COL25A1: variants seen among roughly 807,000 people sequenced by gnomAD.
COL25A1 encodes collagen alpha-1(XXV) chain.
COL25A1 carries 103 observed loss-of-function variants against 128.4 expected under a neutral mutation model. The ratio of observed to expected loss-of-function variants is 0.80; its 90% CI spans 0.68 to 0.94. The LOEUF (loss-of-function observed/expected upper bound fraction) is 0.94. Among genes scored for constraint, COL25A1 ranks in the 40% least tolerant of loss-of-function variants. COL25A1 has a pLI of 0.00. For synonymous variants in COL25A1, 279 were observed against 277.2 expected, an observed-to-expected ratio of 1.01 and a Z score of -0.06; for missense variants, 745 against 840.0, an observed-to-expected ratio of 0.89 and a Z score of 1.40.
chr4:109,295,879 G>C (rs1386455187), intron 3 of COL25A1, among the ~76,000 whole-genome samples: 1 of 152,018 alleles, frequency 6.6e-6, no homozygotes, highest in African/African-American at 2.4e-5. Flanking sequence ...GGAATGTATA[G>C]AGAGACCTCA....
At chr4:109,160,600 C>T (rs1772472447) in intron 3 of COL25A1, among the ~76,000 whole-genome samples, 1 of 152,140 alleles carries the variant, frequency 6.6e-6, no homozygotes, top group East Asian at 1.9e-4. Flanking sequence ...TGGGAACGGG[C>T]TCTGTCCATC....
rs56718544 is a variant in COL25A1, at chr4:109,026,100, G to GCACACACACACACA, written c.421-15739_421-15726dup. ...GAAATATCCACATATAAAACACTTT[G>GCACACACACACACA]CACACACACACACACACACACACAC... On this transcript the variant is annotated intron_variant, in intron 5 of 37. Coordinates refer to ENST00000399132, the MANE Select transcript of COL25A1 (RefSeq NM_198721.4). Among the ~76,000 whole-genome samples, 263 of 137,150 alleles carry GCACACACACACACA rather than the reference G, an allele frequency of 1.9e-3. 1 individual carries two copies. The highest frequency in any genetic ancestry group is 5.3e-3 in the African/African-American group (196 of 37,096). 90.0% of individuals were successfully genotyped at this position (137,150 alleles called of 152,430 possible).
intron 8 of COL25A1, among the ~76,000 whole-genome samples, chr4:108,962,277 TCCC>T (rs931627953): frequency 1.3e-5 from 2 of 149,000 alleles, no homozygotes; most frequent in African/African-American, 4.9e-5. Context: ...AACCTCCACC[TCCC>T]GGGTTCAAGC....
intron 18 of COL25A1, among the ~76,000 whole-genome samples, chr4:108,886,492 G>GTGTGCTTTTT (rs58157157): frequency 9.2e-6 from 1 of 109,248 alleles, no homozygotes; most frequent in East Asian, 2.5e-4. Context: ...GTGTGTGTGT[G>GTGTGCTTTTT]TTTAGCTCAT....
At chr4:108,951,040 G>A (rs1749362535) in intron 8 of COL25A1, among the ~76,000 whole-genome samples, 1 of 152,190 alleles carries the variant, frequency 6.6e-6, no homozygotes, top group Non-Finnish European at 1.5e-5. Context: ...TCTGAAAGAA[G>A]GTATTCCAGT....
At chr4:109,024,565 G>T (rs766760852) in intron 5 of COL25A1, among the ~76,000 whole-genome samples, 1 of 151,860 alleles carries the variant, frequency 6.6e-6, no homozygotes, top group Non-Finnish European at 1.5e-5. Context: ...GGTTCCCTAC[G>T]GATGATAGGA....
intron 6 of COL25A1, among the ~76,000 whole-genome samples, chr4:108,984,582 C>G (rs1753445239): frequency 6.6e-6 from 1 of 152,226 alleles, no homozygotes. Context: ...AGCACAGCAG[C>G]TGCTGGCCCA....
At chr4:109,265,518 CGTGTGTGTGT>C (rs57643656) in intron 3 of COL25A1, among the ~76,000 whole-genome samples, 2,913 of 129,686 alleles carry the variant, frequency 0.022, 78 homozygotes, top group South Asian at 0.1. Context: ...AATAACAGTA[CGTGTGTGTGT>C]GTGTGTGTGT....
intron 33 of COL25A1, among the ~76,000 whole-genome samples, chr4:108,825,732 C>T (rs1732296642): frequency 6.6e-6 from 1 of 152,172 alleles, no homozygotes; most frequent in African/African-American, 2.4e-5. Flanking sequence ...TAGTAGTTAG[C>T]TCACAAATGA....
intron 8 of COL25A1, among the ~76,000 whole-genome samples, chr4:108,967,094 T>C (rs1380721921): frequency 6.6e-6 from 1 of 152,188 alleles, no homozygotes; most frequent in Non-Finnish European, 1.5e-5. Context: ...GTTCTGCCAG[T>C]GAGTGATTAT....
chr4:109,041,120 G>A (rs1374489367), intron 5 of COL25A1, among the ~76,000 whole-genome samples: 1 of 152,044 alleles, frequency 6.6e-6, no homozygotes, highest in Non-Finnish European at 1.5e-5. Context: ...ATTGTGCCTA[G>A]TTGAGGAGGT....
chr4:109,121,428 A>G (rs527915184), intron 3 of COL25A1, among the ~76,000 whole-genome samples: 1 of 152,240 alleles, frequency 6.6e-6, no homozygotes, highest in East Asian at 1.9e-4. Flanking sequence ...AAACTCAACT[A>G]TAAGAAAACT....
intron 3 of COL25A1, among the ~76,000 whole-genome samples, chr4:109,061,619 T>A (rs139907466): frequency 1.4e-3 from 211 of 152,290 alleles, no homozygotes; most frequent in African/African-American, 4.7e-3. Context: ...ACAGTTGGCC[T>A]CCCATAGAAA....
At chr4:109,042,122 C>T (rs1231956079) in intron 5 of COL25A1, among the ~76,000 whole-genome samples, 1 of 151,912 alleles carries the variant, frequency 6.6e-6, no homozygotes, top group African/African-American at 2.4e-5. Context: ...GCTCTTTGCC[C>T]CTTACTGTAG....
Position 109,073,475 on chromosome 4 carries a change from G to C in COL25A1, c.368-23296C>G, listed in dbSNP as rs62313716. Among the ~76,000 whole-genome samples, 5 of 152,192 alleles carry C rather than the reference G, an allele frequency of 3.3e-5. No homozygotes were observed. The East Asian group carries it at 9.7e-4, about 29-fold the overall frequency. ...TTTACTCAAAAATAATAACACAATC[G>C]CTGCAGATCTTCTTTAATAAGTGCC... On this transcript the variant is annotated intron_variant, in intron 3 of 37. Coordinates refer to ENST00000399132, the MANE Select transcript of COL25A1 (RefSeq NM_198721.4).
chr4:109,091,682 C>A (rs993353738), intron 3 of COL25A1, among the ~76,000 whole-genome samples: 14 of 151,274 alleles, frequency 9.3e-5, no homozygotes, highest in African/African-American at 3.4e-4. Flanking sequence ...TCCCTTTCTG[C>A]TTACTAGTAA....
rs187889582 is a variant in COL25A1, at chr4:109,266,709, T to C, written c.367+33874A>G. ...AGAAGATAAAGATTACTCTCAACCA[T>C]AGAAAGTGACATGAAAACGTGGATA... On this transcript the variant is annotated intron_variant, in intron 3 of 37. Coordinates refer to ENST00000399132, the MANE Select transcript of COL25A1 (RefSeq NM_198721.4). Among the ~76,000 whole-genome samples, 5 of 152,050 alleles carry C rather than the reference T, an allele frequency of 3.3e-5. No individual in the cohort carries two copies. In the East Asian group the frequency reaches 5.8e-4, roughly 18 times the overall value.
chr4:108,966,743 C>T (rs1001748872), intron 8 of COL25A1, among the ~76,000 whole-genome samples: 2 of 151,544 alleles, frequency 1.3e-5, no homozygotes, highest in Admixed American at 1.3e-4. Flanking sequence ...CCCAGCTATT[C>T]GGGGGACTGA....
intron 4 of COL25A1, 23 bp from the exon 5 acceptor site, chr4:109,048,198 G>A (rs767590620): frequency 2.5e-6 from 4 of 1,607,290 alleles, no homozygotes; most frequent in African/African-American, 1.3e-5. Context: ...CAGGTGGAGA[G>A]AGAAGAGAGA....
Sources: gnomAD v4.1 joint callset for allele counts (sites outside exome capture counted in the v4.1 genomes callset) on GRCh38, gnomAD v4.1.1 for gene constraint, MANE v1.5 for transcripts, NCBI Gene and HGNC (gene_info 2026-07-23, HGNC 2026-07-21) for gene names.